Variants in ADGRV1 observed in about 807,000 individuals in gnomAD.
The protein encoded by ADGRV1 is G-protein coupled receptor 98.
A neutral mutation model predicts 596.2 loss-of-function variants in ADGRV1; 359 were observed. The observed-to-expected ratio is 0.60, with a 90% CI of 0.55 to 0.66. The LOEUF (loss-of-function observed/expected upper bound fraction) is 0.66, where lower values mean the gene tolerates loss of function less well. Ranked by LOEUF, ADGRV1 falls within the 30% of genes least tolerant of loss-of-function variation. The probability of loss-of-function intolerance (pLI) is 0.00; values close to 1 mark genes in which losing one functional copy is unlikely to be tolerated. For synonymous variants in ADGRV1, 2,681 were observed against 2,679.2 expected (o/e 1.00, Z -0.02); for missense variants, 7,274 against 7,575.6 (o/e 0.96, Z 1.48).
chr5:90,847,087 G>A (rs935289590), intron 78 of ADGRV1, among the ~76,000 whole-genome samples: 2 of 152,102 alleles, frequency 1.3e-5, no homozygotes, highest in African/African-American at 4.8e-5. Flanking sequence ...CCCTTAGCTA[G>A]ACATAAAGGT....
intron 27 of ADGRV1, among the ~76,000 whole-genome samples, chr5:90,681,821 CCTCA>C (rs749710114): frequency 0.048 from 6,717 of 139,224 alleles, 248 homozygotes; most frequent in Non-Finnish European, 0.068. Context: ...TCCCTCCCTC[CCTCA>C]CTCCGTCCCT....
intron 83 of ADGRV1, among the ~76,000 whole-genome samples, chr5:90,940,507 T>C (rs1776083231): frequency 6.6e-6 from 1 of 152,238 alleles, no homozygotes; most frequent in Admixed American, 6.5e-5. Flanking sequence ...CTCTGTTTAA[T>C]TGTAAACATA....
chr5:90,971,937 G>A (rs956959839), intron 84 of ADGRV1, among the ~76,000 whole-genome samples: 3 of 152,164 alleles, frequency 2.0e-5, no homozygotes, highest in South Asian at 2.1e-4. Flanking sequence ...ACCCATCAGT[G>A]TGCTGTATTC....
At chr5:91,146,781 G>A (rs561086635) in intron 87 of ADGRV1, among the ~76,000 whole-genome samples, 19 of 152,316 alleles carry the variant, frequency 1.2e-4, no homozygotes, top group African/African-American at 4.6e-4. Flanking sequence ...AAAACAAAAT[G>A]TACATAGCTA....
chr5:91,157,744 A>G (rs2126940294), intron 89 of ADGRV1, among the ~76,000 whole-genome samples: 1 of 152,338 alleles, frequency 6.6e-6, no homozygotes, highest in Non-Finnish European at 1.5e-5. Flanking sequence ...GTTTTGATAA[A>G]TGATTGTCAA....
Position 90,647,679 on chromosome 5 carries a change from A to G in ADGRV1, c.3204A>G (p.Arg1068=), listed in dbSNP as rs2149446982. ...GETLIFEVGS[R]QQSISIFVNE... ...CGCTCATTTTTGAGGTTGGAAGTAG[A>G]CAGCAGAGCATATCCATATTTGTTA... is the stretch of plus-strand genomic sequence containing the variant. Residue 1068 remains arginine, a synonymous_variant, in exon 17 of 90, where the codon AGA becomes AGG. Transcript: ENST00000405460. 1 of 1,613,920 alleles carries G rather than the reference A, an allele frequency of 6.2e-7. No homozygotes were observed. The highest frequency in any genetic ancestry group is 8.5e-7 in the Non-Finnish European group (1 of 1,179,798).
intron 42 of ADGRV1, among the ~76,000 whole-genome samples, chr5:90,713,987 A>G (rs1561578896): frequency 6.6e-6 from 1 of 152,158 alleles, no homozygotes; most frequent in Non-Finnish European, 1.5e-5. Context: ...AACCCTTATA[A>G]AGTTTCAATA....
At position 90,788,174 on chromosome 5, in the gene ADGRV1, A is replaced by AAGGAGG; in HGVS notation, c.13760_13765dup (p.Gly4587_Gly4588dup). ...GGGTTGTTCTATTTTGGAGAAGGAG[A>AAGGAGG]AGGAGGAGTGAGAACCATAATTCTG... On this transcript the variant is annotated inframe_insertion, in exon 68 of 90. Coordinates refer to ENST00000405460, the MANE Select transcript of ADGRV1 (RefSeq NM_032119.4). 1 of 1,613,856 alleles carries AAGGAGG rather than the reference A, an allele frequency of 6.2e-7. No homozygotes were observed. The highest frequency in any genetic ancestry group is 8.5e-7 in the Non-Finnish European group (1 of 1,179,792).
At chr5:91,076,673 G>A (rs1354823901) in intron 86 of ADGRV1, among the ~76,000 whole-genome samples, 1 of 151,850 alleles carries the variant, frequency 6.6e-6, no homozygotes, top group Admixed American at 6.6e-5. Flanking sequence ...ATTATTATTA[G>A]GACTATTTTT....
chr5:90,583,617 T>C (rs1354096872), intron 1 of ADGRV1, among the ~76,000 whole-genome samples: 7 of 152,174 alleles, frequency 4.6e-5, no homozygotes, highest in Non-Finnish European at 8.8e-5. Flanking sequence ...ATTTTTTCAT[T>C]ACTTTTGTTC....
chr5:90,828,591 T>TA (rs34022539), intron 76 of ADGRV1, among the ~76,000 whole-genome samples: 1,824 of 152,266 alleles, frequency 0.012, 28 homozygotes, highest in African/African-American at 0.041. Flanking sequence ...GCATCTGTGT[T>TA]AAAAAACATT....
At chr5:90,870,597 G>A (rs530820358) in intron 83 of ADGRV1, among the ~76,000 whole-genome samples, 3 of 152,306 alleles carry the variant, frequency 2.0e-5, no homozygotes, top group South Asian at 4.1e-4. Context: ...GAGAAATGAT[G>A]AAAATTAGAA....
At chr5:90,945,958 G>A (rs1776538568) in intron 83 of ADGRV1, among the ~76,000 whole-genome samples, 1 of 150,666 alleles carries the variant, frequency 6.6e-6, no homozygotes, top group Admixed American at 6.6e-5. Flanking sequence ...ATCTAGCCTG[G>A]GTGACAGAGT....
At chr5:90,632,482 AT>A (rs1293814127) in intron 9 of ADGRV1, among the ~76,000 whole-genome samples, 2 of 152,218 alleles carry the variant, frequency 1.3e-5, no homozygotes, top group Non-Finnish European at 2.9e-5. Context: ...ATATAAAAAA[AT>A]CTGTACCAAT....
rs750629914 is a variant in ADGRV1, at chr5:91,007,883, G to A, written c.18152+22361G>A. Among the ~76,000 whole-genome samples, 8 of 152,084 alleles carry A rather than the reference G, an allele frequency of 5.3e-5. 1 individual carries two copies. The South Asian group carries it at 1.4e-3, about 28-fold the overall frequency. ...TACATATTCAATTATACTACTAATA[G>A]TATTATTTCCTATTTTGCCCTTTGC... On this transcript the variant is annotated intron_variant, in intron 85 of 89. Coordinates refer to ENST00000405460, the MANE Select transcript of ADGRV1 (RefSeq NM_032119.4).
chr5:90,653,542 G>A lies in ADGRV1; in HGVS notation c.3968G>A (p.Ser1323Asn). The change falls in exon 20 of 90, where the codon AGT becomes AAT. Residue 1323 changes from serine to asparagine, a missense_variant. Ser to Asn is a conservative substitution (Grantham distance 46). This residue lies in a region of ADGRV1 where 1,715 missense variants were observed against 1,708.8 expected (regional missense o/e 1.00). Coordinates refer to ENST00000405460, the MANE Select transcript of ADGRV1 (RefSeq NM_032119.4). ...HLQQHMRRHH[S>N]GTDALYFTGL... Reference sequence around the variant, plus strand: ...CAACAGCACATGCGGCGTCACCACAGTGGAACGGATGCTTTGTACTTTACC... The same window carrying A: ...CAACAGCACATGCGGCGTCACCACAATGGAACGGATGCTTTGTACTTTACC... 1 of 1,613,942 alleles carries A rather than the reference G, an allele frequency of 6.2e-7. No homozygotes were observed.
intron 70 of ADGRV1, among the ~76,000 whole-genome samples, chr5:90,796,767 C>T (rs1373700815): frequency 1.3e-5 from 2 of 152,118 alleles, no homozygotes; most frequent in African/African-American, 2.4e-5. Flanking sequence ...GACAAACAGC[C>T]GATCTCTCAG....
chr5:90,867,482 T>C (rs894698732), intron 83 of ADGRV1, among the ~76,000 whole-genome samples: 4 of 152,166 alleles, frequency 2.6e-5, no homozygotes, highest in African/African-American at 9.7e-5. Context: ...CATTTTGCAA[T>C]GTCCTGTTTC....
At chr5:90,851,477 T>C (rs1766521993) in intron 79 of ADGRV1, among the ~76,000 whole-genome samples, 1 of 152,132 alleles carries the variant, frequency 6.6e-6, no homozygotes, top group South Asian at 2.1e-4. Flanking sequence ...TCTTGAGCAA[T>C]ATTAAGGGAG....
Sources: allele counts gnomAD v4.1 joint callset (sites outside exome capture counted in the v4.1 genomes callset), GRCh38; gene constraint gnomAD v4.1.1; regional missense constraint gnomAD v4.1.1; transcripts MANE v1.5; gene names NCBI Gene and HGNC (gene_info 2026-07-23, HGNC 2026-07-21).